The following KCNC4 variants were observed in gnomAD, a reference collection of about 807,000 sequenced individuals.
The protein encoded by KCNC4 is potassium voltage-gated channel subfamily C member 4.
Under a neutral mutation model 42.8 loss-of-function variants are expected in KCNC4, and 23 were observed. The ratio of observed to expected loss-of-function variants is 0.54; its 90% confidence interval spans 0.39 to 0.76. KCNC4 has a LOEUF of 0.76. Ranked by LOEUF, KCNC4 falls within the 30% of genes least tolerant of loss-of-function variation. The pLI, the probability that KCNC4 is intolerant of heterozygous loss-of-function variation, is 0.00. For synonymous variants in KCNC4, 422 were observed against 393.5 expected (o/e 1.07, Z -0.86); for missense variants, 751 against 898.2 (o/e 0.84, Z 2.10).
At chr1:110,279,945 G>T (rs532418716) in intron 1 of KCNC4, among the ~76,000 whole-genome samples, 2 of 151,704 alleles carry the variant, frequency 1.3e-5, no homozygotes, top group East Asian at 3.9e-4. Context: ...CCGCCACTAC[G>T]CTCAGTTAAT....
intron 1 of KCNC4, among the ~76,000 whole-genome samples, chr1:110,270,140 A>G (rs1411579273): frequency 1.3e-5 from 2 of 152,300 alleles, no homozygotes; most frequent in Admixed American, 6.5e-5. Flanking sequence ...CTGACGTCCA[A>G]CTGGCTTCCC....
chr1:110,223,857 C>T lies in KCNC4; in HGVS notation c.1572C>T (p.Ser524=). The T allele has an allele frequency of 6.2e-7, 1 of 1,604,824 alleles. No individual in the cohort carries two copies. The change falls in exon 2 of 4, where the codon AGC becomes AGT. Residue 524 remains serine (S), a synonymous_variant. Transcript: ENST00000438661. The surrounding 1 kb of genome is among the most constrained non-coding windows in gnomAD (Gnocchi z 7.5). ...SPRDSTCSDT[S]PPAREEGMIE... ...GGGACAGCACCTGCAGTGATACCAG[C>T]CCCCCTGCCCGGGAAGAGGGTATGA...
chr1:110,241,744 C>A (rs1039037431), exon 4 of KCNC4: 1 of 152,224 alleles, frequency 6.6e-6, no homozygotes, highest in Non-Finnish European at 1.5e-5. Context: ...TCAACTGTCA[C>A]CTCTGAGAAT....
exon 4 of KCNC4, chr1:110,247,112 G>A (rs897341291): frequency 2.0e-5 from 3 of 151,936 alleles, no homozygotes; most frequent in Non-Finnish European, 2.9e-5. Flanking sequence ...AGTATTCCAC[G>A]TGTATGTGTA....
chr1:110,223,657 C>G lies in KCNC4; in HGVS notation c.1372C>G (p.Leu458Val), dbSNP rs1289833682. ...CATGCTGGTAGGGGCACTGTGTGCA[C>G]TGGCTGGCGTGCTCACCATCGCCAT... Reference protein sequence around the residue: ...SGMLVGALCALAGVLTIAMPV... With the variant: ...SGMLVGALCAVAGVLTIAMPV... Residue 458 changes from leucine to valine, a missense_variant, in exon 2 of 4, where the codon CTG (leucine) becomes GTG (valine). Physicochemically the swap from Leu to Val is conservative, Grantham distance 32. Transcript: ENST00000438661. This position sits in a 1 kb window ranked among gnomAD's most constrained non-coding sequence, Gnocchi z 7.5. The G allele has an allele frequency of 6.2e-7, 1 of 1,613,892 alleles. No homozygotes were observed. Among genetic ancestry groups the G allele is most frequent in the East Asian group, 2.2e-5 (1 of 44,888 alleles).
intron 1 of KCNC4, among the ~76,000 whole-genome samples, chr1:110,279,071 A>T (rs1360913704): frequency 2.0e-5 from 3 of 152,080 alleles, no homozygotes; most frequent in Non-Finnish European, 2.9e-5. Context: ...TCCTAAAGAG[A>T]TTCAAGTTGT....
chr1:110,220,449 G>C (rs866191432), intron 1 of KCNC4: 4 of 150,520 alleles, frequency 2.7e-5, no homozygotes, highest in Admixed American at 6.6e-5. Flanking sequence ...TGCTATGAGA[G>C]GATGGCCGGG....
At chr1:110,256,110 AG>A (rs1659323377) in intron 1 of KCNC4, among the ~76,000 whole-genome samples, 1 of 152,210 alleles carries the variant, frequency 6.6e-6, no homozygotes, top group East Asian at 1.9e-4. Flanking sequence ...GGCACTGTAC[AG>A]GACCATCTTA....
chr1:110,256,315 A>T (rs1040401194), intron 1 of KCNC4, among the ~76,000 whole-genome samples: 2 of 152,184 alleles, frequency 1.3e-5, no homozygotes, highest in Non-Finnish European at 2.9e-5. Flanking sequence ...GAGCACCCAG[A>T]TCTCTCCAGT....
Position 110,226,093 on chromosome 1 carries a change from C to A in KCNC4, c.1734C>A (p.Thr578=), listed in dbSNP as rs34480599. The change falls in exon 3 of 4, where the codon ACC becomes ACA. Residue 578 remains threonine (T), a synonymous_variant. Coordinates refer to ENST00000438661, the MANE Select transcript of KCNC4 (RefSeq NM_001039574.3). ...PEERRALRRS[T]TRDRNKKAAA... is the part of the protein sequence containing the mutation. The stretch of plus-strand genomic sequence containing the variant: ...AGCGCCGGGCCCTGCGACGCTCCAC[C>A]ACTCGAGACAGAAACAAGAAGGCAG... The A allele has an allele frequency of 6.2e-4, 994 of 1,614,168 alleles. 3 individuals carry two copies. Among genetic ancestry groups the A allele is most frequent in the Middle Eastern group, 5.4e-3 (33 of 6,062 alleles).
rs1657451681 is a variant in KCNC4 at position 110,211,560 on chromosome 1, T to G, written c.61T>G (p.Ser21Ala). Residue 21 changes from serine to alanine, a missense_variant, in exon 1 of 4, where the codon TCC becomes GCC. This residue lies in a region of KCNC4 where 183 missense variants were observed against 255.8 expected (regional missense o/e 0.72). Coordinates refer to ENST00000438661, the MANE Select transcript of KCNC4 (RefSeq NM_001039574.3). The surrounding 1 kb of genome is among the most constrained non-coding windows in gnomAD (Gnocchi z 6.5). ...RGRKSGNKPP[S>A]KTCLKEEMAK... is the part of the protein sequence containing the mutation. ...GCGCAAGTCGGGGAACAAGCCTCCGTCCAAAACATGTCTGAAGGAGGAGAT... is the reference window on the plus strand; with the variant it reads ...GCGCAAGTCGGGGAACAAGCCTCCGGCCAAAACATGTCTGAAGGAGGAGAT... The G allele has an allele frequency of 1.9e-6, 3 of 1,613,904 alleles. No individual in the cohort carries two copies. The highest frequency in any genetic ancestry group is 2.5e-6 in the Non-Finnish European group (3 of 1,179,988).
At chr1:110,266,050 A>G (rs1166289068) in intron 1 of KCNC4, among the ~76,000 whole-genome samples, 2 of 152,338 alleles carry the variant, frequency 1.3e-5, no homozygotes, top group Non-Finnish European at 2.9e-5. Flanking sequence ...TTGAAGTTCC[A>G]TGAAGGCAGA....
intron 1 of KCNC4, among the ~76,000 whole-genome samples, chr1:110,258,512 AG>A (rs2101073409): frequency 6.6e-6 from 1 of 152,224 alleles, no homozygotes; most frequent in Admixed American, 6.5e-5. Flanking sequence ...CTGGGATTAC[AG>A]GGGTAAGCCA....
At position 110,223,100 on chromosome 1, in the gene KCNC4, G is replaced by A. The variant is rs1196875024; in HGVS notation, c.815G>A (p.Arg272Gln). ...RVGNITSVHF[R>Q]REVETEPILT... ...GGGAACATCACCAGCGTGCACTTCC[G>A]GCGGGAGGTAGAGACAGAGCCCATC... is the stretch of plus-strand genomic sequence containing the variant. The change falls in exon 2 of 4, where the codon CGG becomes CAG. Residue 272 changes from arginine (R) to glutamine (Q), a missense_variant. By Grantham distance (43) the Arg-to-Gln change is conservative (BLOSUM62 1). Around this residue, in one of 4 missense-constraint regions of KCNC4, gnomAD observed 181 missense variants for 167.3 expected, o/e 1.08. Transcript: ENST00000438661. The surrounding 1 kb of genome is among the most constrained non-coding windows in gnomAD (Gnocchi z 7.5). 5.0e-6 allele frequency: 8 copies of A among 1,614,196 alleles called. No individual in the cohort carries two copies. Among genetic ancestry groups the A allele is most frequent in the South Asian group, 3.3e-5 (3 of 91,084 alleles).
chr1:110,219,131 A>G (rs992479470), intron 1 of KCNC4, among the ~76,000 whole-genome samples: 2 of 152,222 alleles, frequency 1.3e-5, no homozygotes, highest in East Asian at 3.8e-4. Flanking sequence ...CAGTTTCTTC[A>G]TCTGTAAAAC....
At chr1:110,245,658 C>T (rs899957527) in exon 4 of KCNC4, 4 of 152,252 alleles carry the variant, frequency 2.6e-5, no homozygotes, top group African/African-American at 9.7e-5. Flanking sequence ...TGGCCCCGCT[C>T]CCATAACACA....
intron 3 of KCNC4, among the ~76,000 whole-genome samples, chr1:110,229,414 G>T (rs1420368131): frequency 6.6e-6 from 1 of 152,132 alleles, no homozygotes; most frequent in Non-Finnish European, 1.5e-5. Context: ...GGAAGCCTCT[G>T]CCCAGATTCA....
chr1:110,273,149 G>T (rs1256891678), intron 1 of KCNC4, among the ~76,000 whole-genome samples: 1 of 152,174 alleles, frequency 6.6e-6, no homozygotes, highest in Non-Finnish European at 1.5e-5. Context: ...CTGAAAGAGG[G>T]CATCTAGTTA....
At chr1:110,219,846 CAT>C (rs922653342) in intron 1 of KCNC4, 6 of 152,216 alleles carry the variant, frequency 3.9e-5, no homozygotes, top group African/African-American at 1.4e-4. Context: ...TGGGGAGCAA[CAT>C]AGGGCAGAAA....
Sources: allele counts gnomAD v4.1 joint callset (sites outside exome capture counted in the v4.1 genomes callset), GRCh38; gene constraint gnomAD v4.1.1; regional missense constraint gnomAD v4.1.1; non-coding constraint Gnocchi (gnomAD v3.1); transcripts MANE v1.5; gene names NCBI Gene and HGNC (gene_info 2026-07-23, HGNC 2026-07-21).